Variants in HP1BP3 observed in about 807,000 individuals in gnomAD.
The protein encoded by HP1BP3 is heterochromatin protein 1-binding protein 3.
HP1BP3 carries 12 observed loss-of-function variants against 62.5 expected under a neutral mutation model. That is an observed-to-expected ratio of 0.19 (90% confidence interval 0.12 to 0.31). The LOEUF (loss-of-function observed/expected upper bound fraction) is 0.31, where lower values mean the gene tolerates loss of function less well. Among genes scored for constraint, HP1BP3 ranks in the 10% least tolerant of loss-of-function variants. The probability of loss-of-function intolerance (pLI) is 1.00; values close to 1 mark genes in which losing one functional copy is unlikely to be tolerated. For synonymous variants in HP1BP3, 260 were observed against 237.8 expected, an observed-to-expected ratio of 1.09 and a Z score of -0.86; for missense variants, 502 against 651.8, an observed-to-expected ratio of 0.77 and a Z score of 2.50.
intron 5 of HP1BP3, among the ~76,000 whole-genome samples, chr1:20,772,567 T>C (rs574506126): frequency 1.3e-5 from 2 of 152,054 alleles, no homozygotes; most frequent in Non-Finnish European, 2.9e-5. Context: ...AAACCCTTTT[T>C]CCAGTTTATG....
At chr1:20,754,616 T>C (rs2055987562) in intron 9 of HP1BP3, among the ~76,000 whole-genome samples, 1 of 152,128 alleles carries the variant, frequency 6.6e-6, no homozygotes, top group Non-Finnish European at 1.5e-5. Flanking sequence ...CAGTGCAGTA[T>C]TAGCATGAAG....
chr1:20,761,420 C>T (rs2056470634), intron 8 of HP1BP3, among the ~76,000 whole-genome samples: 1 of 152,108 alleles, frequency 6.6e-6, no homozygotes. Flanking sequence ...AGAGAAGAGA[C>T]CAGCACAAAG....
chr1:20,779,727 CAATT>C (rs2057459685), intron 3 of HP1BP3, 81 bp downstream of exon 3: 1 of 418,506 alleles, frequency 2.4e-6, no homozygotes. Flanking sequence ...AAAAAAAAAA[CAATT>C]AAGTTCAAAG....
chr1:20,762,792 C>T (rs538619507), intron 8 of HP1BP3, among the ~76,000 whole-genome samples: 1 of 152,254 alleles, frequency 6.6e-6, no homozygotes, highest in Admixed American at 6.5e-5. Context: ...TGTGCCCAGA[C>T]CACCCTGGGC....
rs1570547644 is a variant in HP1BP3 at position 20,748,697 on chromosome 1, G to A, written c.1141+1026C>T. Among the ~76,000 whole-genome samples, 13 of 152,132 alleles carry A rather than the reference G, an allele frequency of 8.5e-5. 1 individual carries two copies. In the South Asian group the frequency reaches 2.7e-3, roughly 32 times the overall value. On this transcript the variant is annotated intron_variant, in intron 10 of 12. Coordinates refer to ENST00000438032, the MANE Select transcript of HP1BP3 (RefSeq NM_001372052.1). ...ATGGCGTGAACCCAGGGGAGGCGGA[G>A]CTTGCAGTGAGCCAAGATCGCACCA...
chr1:20,753,884 T>C (rs1393909318), intron 9 of HP1BP3, among the ~76,000 whole-genome samples: 3 of 152,120 alleles, frequency 2.0e-5, no homozygotes, highest in Admixed American at 1.3e-4. Context: ...AACCTGACAA[T>C]AGGCATCTAT....
chr1:20,783,994 G>GT, intron 1 of HP1BP3, among the ~76,000 whole-genome samples: 1 of 144,790 alleles, frequency 6.9e-6, no homozygotes, highest in Middle Eastern at 3.5e-3. Context: ...TTGTTTGTTT[G>GT]TTTTAAGACA....
intron 10 of HP1BP3, among the ~76,000 whole-genome samples, chr1:20,749,341 AT>A (rs1235800705): frequency 9.6e-5 from 14 of 145,510 alleles, no homozygotes; most frequent in East Asian, 6.0e-4. Context: ...GATCTCTATG[AT>A]TTTTTTTTCT....
chr1:20,773,822 T>C, intron 4 of HP1BP3: 1 of 384,642 alleles, frequency 2.6e-6, no homozygotes, highest in South Asian at 6.8e-5. Context: ...TTCTCTTAGC[T>C]GCAGGAGAAA....
At chr1:20,779,761 A>C (rs903889041) in intron 3 of HP1BP3, 51 bp downstream of exon 3, 5 of 1,235,358 alleles carry the variant, frequency 4.0e-6, no homozygotes, top group African/African-American at 1.5e-5. Context: ...GGACACTCCA[A>C]ATTGCAGTAT....
At chr1:20,760,899 T>C (rs2056430416) in intron 8 of HP1BP3, among the ~76,000 whole-genome samples, 1 of 152,154 alleles carries the variant, frequency 6.6e-6, no homozygotes, top group African/African-American at 2.4e-5. Flanking sequence ...AGTCTCACTC[T>C]CACTATGATG....
intron 9 of HP1BP3, chr1:20,755,384 C>T (rs1313033434): frequency 2.2e-6 from 1 of 452,472 alleles, no homozygotes; most frequent in East Asian, 7.0e-5. Context: ...GTAGCCTGGG[C>T]AACACGGCGA....
chr1:20,755,574 C>T (rs1278727355), intron 9 of HP1BP3, among the ~76,000 whole-genome samples: 2 of 150,464 alleles, frequency 1.3e-5, no homozygotes, highest in Non-Finnish European at 3.0e-5. Flanking sequence ...GACCCTATCT[C>T]AAAACAAAAC....
rs1255387140 is a variant in HP1BP3 at position 20,745,616 on chromosome 1, T to C, written c.1294A>G (p.Arg432Gly). The C allele has an allele frequency of 6.2e-7, 1 of 1,613,938 alleles. No homozygotes were observed. Among genetic ancestry groups the C allele is most frequent in the Non-Finnish European group, 8.5e-7 (1 of 1,179,804 alleles). The change falls in exon 12 of 13, where the codon AGA becomes GGA. Residue 432 changes from arginine (R) to glycine (G), a missense_variant. This residue lies in a region of HP1BP3 where 194 missense variants were observed against 207.0 expected (regional missense o/e 0.94). Transcript: ENST00000438032. ...TCATCTTCATCTTCATCCTCATCTCTAGAATCATCTGGCTCTTTCTTCGGA... is the reference window on the plus strand; with the variant it reads ...TCATCTTCATCTTCATCCTCATCTCCAGAATCATCTGGCTCTTTCTTCGGA... Reference protein sequence around the residue: ...LFPKKEPDDSRDEDEDEDESS... With the variant: ...LFPKKEPDDSGDEDEDEDESS...
At chr1:20,756,404 TAA>T (rs898036056) in intron 9 of HP1BP3, among the ~76,000 whole-genome samples, 1 of 146,444 alleles carries the variant, frequency 6.8e-6, no homozygotes, top group Admixed American at 6.8e-5. Flanking sequence ...GACTTCTCAT[TAA>T]AAAAAAAAAA....
intron 9 of HP1BP3, among the ~76,000 whole-genome samples, chr1:20,756,416 AT>A (rs1360566352): frequency 3.3e-5 from 5 of 151,966 alleles, no homozygotes. Flanking sequence ...AAAAAAAAAA[AT>A]TGGGGAAGAC....
chr1:20,781,301 CT>C (rs1278699369), intron 1 of HP1BP3, among the ~76,000 whole-genome samples: 2 of 152,058 alleles, frequency 1.3e-5, no homozygotes, highest in Admixed American at 1.3e-4. Context: ...GTATCTAGAT[CT>C]CTGTGCTAAT....
At position 20,787,197 on chromosome 1, in the gene HP1BP3, C is replaced by T. The variant is rs907903933; in HGVS notation, c.-103G>A. 5.3e-5 allele frequency: 8 copies of T among 151,976 alleles called. No individual in the cohort carries two copies. The highest frequency in any genetic ancestry group is 1.9e-4 in the African/African-American group (8 of 41,366). 9.4% of individuals were successfully genotyped at this position (151,976 alleles called of 1,614,324 possible). A position where few individuals can be genotyped will look rare whatever the true frequency, so the allele number is the denominator to read the frequency against. On this transcript the variant is annotated splice_region_variant and 5_prime_UTR_variant, in exon 1 of 13. Coordinates refer to ENST00000438032, the MANE Select transcript of HP1BP3 (RefSeq NM_001372052.1). ...CCGCCTGTTCGGTCCTGCGTTACCT[C>T]TGCGTTCGGCCGGTCCTGGCGCCCG...
intron 11 of HP1BP3, among the ~76,000 whole-genome samples, chr1:20,746,186 A>ATGTGTGTGTG (rs35710978): frequency 1.2e-4 from 17 of 143,248 alleles, no homozygotes; most frequent in East Asian, 4.2e-4. Context: ...ACATACATAT[A>ATGTGTGTGTG]TGTGTGTGTG....
Sources: allele counts gnomAD v4.1 joint callset (sites outside exome capture counted in the v4.1 genomes callset), GRCh38; gene constraint gnomAD v4.1.1; regional missense constraint gnomAD v4.1.1; transcripts MANE v1.5; gene names NCBI Gene and HGNC (gene_info 2026-07-23, HGNC 2026-07-21).